The following OR6N1 variants were observed in gnomAD, a reference collection of about 807,000 sequenced individuals.
OR6N1 encodes olfactory receptor 6N1.
For missense variants in OR6N1, 394 were observed against 371.7 expected, an observed-to-expected ratio of 1.06 and a Z score of -0.49; for synonymous variants, 170 against 150.7, an observed-to-expected ratio of 1.13 and a Z score of -0.94.
At chr1:158,820,310 T>C in the OR6N1 span, among the ~76,000 whole-genome samples, 1 of 152,160 alleles carries the variant, frequency 6.6e-6, no homozygotes, top group Non-Finnish European at 1.5e-5. Context: ...TTATGGCCAG[T>C]TTGGGGGCCA....
the OR6N1 span, among the ~76,000 whole-genome samples, chr1:158,814,950 C>T: frequency 6.6e-6 from 1 of 152,080 alleles, no homozygotes; most frequent in South Asian, 2.1e-4. Context: ...TCTCAGGATC[C>T]ACTTGGTCAT....
the OR6N1 span, among the ~76,000 whole-genome samples, chr1:158,794,225 C>G: frequency 0.13 from 19,155 of 152,192 alleles, 1,586 homozygotes; most frequent in South Asian, 0.36. Flanking sequence ...AAGTCCCCTT[C>G]TCCTACACTC....
chr1:158,798,278 T>G, the OR6N1 span, among the ~76,000 whole-genome samples: 2 of 151,532 alleles, frequency 1.3e-5, no homozygotes, highest in African/African-American at 4.8e-5. Context: ...TTCTTACACT[T>G]TCTTTTTTTG....
In OR6N1 at chr1:158,766,577, G is replaced by A; in HGVS notation, c.106C>T (p.Leu36Phe). 5.0e-6 allele frequency: 8 copies of A among 1,614,008 alleles called. No individual in the cohort carries two copies. The highest frequency in any genetic ancestry group is 6.8e-6 in the Non-Finnish European group (8 of 1,179,968). Reference sequence around the variant, plus strand: ...AGCAGGTTTCCCAACACAGTCATGAGGTAAATGAGAAGCAACAAGAGGAAG... The same window carrying A: ...AGCAGGTTTCCCAACACAGTCATGAAGTAAATGAGAAGCAACAAGAGGAAG... ...YLFLLLLLIY[L>F]MTVLGNLLIF... The change falls in exon 2 of 2, where the codon CTC becomes TTC. Residue 36 changes from leucine to phenylalanine, a missense_variant. Leu to Phe is a conservative substitution (Grantham distance 22). Transcript: ENST00000641846.
chr1:158,790,423 C>T, the OR6N1 span, among the ~76,000 whole-genome samples: 4 of 123,884 alleles, frequency 3.2e-5, no homozygotes, highest in Admixed American at 8.3e-5. Flanking sequence ...TTTTTTGAGA[C>T]GGCATCTCGC....
the OR6N1 span, among the ~76,000 whole-genome samples, chr1:158,815,172 G>T: frequency 6.6e-6 from 1 of 152,050 alleles, no homozygotes; most frequent in African/African-American, 2.4e-5. Context: ...TCACAGGAAG[G>T]GTGCTTAATC....
At chr1:158,789,921 C>T in the OR6N1 span, among the ~76,000 whole-genome samples, 7 of 152,190 alleles carry the variant, frequency 4.6e-5, no homozygotes, top group Non-Finnish European at 7.4e-5. Flanking sequence ...CAGGCCAATG[C>T]CCTGAAGTAT....
At chr1:158,795,433 C>T in the OR6N1 span, among the ~76,000 whole-genome samples, 1 of 152,172 alleles carries the variant, frequency 6.6e-6, no homozygotes, top group East Asian at 1.9e-4. Flanking sequence ...CACTTGCTTG[C>T]TGGTTCTGGC....
chr1:158,773,733 T>C (rs1323262737), upstream of OR6N1, among the ~76,000 whole-genome samples: 1 of 151,986 alleles, frequency 6.6e-6, no homozygotes, highest in Non-Finnish European at 1.5e-5. Flanking sequence ...TTCTAAGAAC[T>C]CAAGGCCATA....
At chr1:158,830,848 G>T in the OR6N1 span, among the ~76,000 whole-genome samples, 2 of 152,120 alleles carry the variant, frequency 1.3e-5, no homozygotes, top group Admixed American at 1.3e-4. Context: ...ATGACTTTCT[G>T]CCTCTGTCAA....
the OR6N1 span, among the ~76,000 whole-genome samples, chr1:158,798,499 TTAAA>T: frequency 1.3e-5 from 2 of 151,866 alleles, no homozygotes; most frequent in African/African-American, 4.8e-5. Context: ...AGTATTTTCT[TTAAA>T]TATCAAACAT....
chr1:158,777,303 T>C, the OR6N1 span: 1 of 1,614,076 alleles, frequency 6.2e-7, no homozygotes, highest in Non-Finnish European at 8.5e-7. Context: ...GAAGGTAGCA[T>C]TCAGACGCTC....
the OR6N1 span, among the ~76,000 whole-genome samples, chr1:158,800,516 T>C: frequency 6.6e-6 from 1 of 152,192 alleles, no homozygotes; most frequent in Non-Finnish European, 1.5e-5. Context: ...TGAGGGTATA[T>C]TGCCATAGAA....
chr1:158,764,565 T>C lies in OR6N1; in HGVS notation c.*1179A>G, dbSNP rs1453127095. 6.6e-6 allele frequency: 1 copy of C among 152,074 alleles called. No homozygotes were observed. The highest frequency in any genetic ancestry group is 1.5e-5 in the Non-Finnish European group (1 of 67,960). The allele number at this position is 152,074 out of a possible 1,614,324, so 9.4% of individuals were successfully genotyped here. ...ACCTTTAAAAGTGTGGTATTAAAAA[T>C]ATTTTGTAATCTTCTTAGGAAGTTC... On this transcript the variant is annotated 3_prime_UTR_variant, in exon 2 of 2. Transcript: ENST00000641846.
At chr1:158,814,756 A>C in the OR6N1 span, among the ~76,000 whole-genome samples, 1 of 152,218 alleles carries the variant, frequency 6.6e-6, no homozygotes, top group African/African-American at 2.4e-5. Flanking sequence ...GTTTCAACCT[A>C]TGAATGCTAT....
chr1:158,830,135 T>C, the OR6N1 span, among the ~76,000 whole-genome samples: 1 of 152,214 alleles, frequency 6.6e-6, no homozygotes, highest in South Asian at 2.1e-4. Context: ...TGAAACATGG[T>C]AACTCCTGTC....
the OR6N1 span, among the ~76,000 whole-genome samples, chr1:158,835,180 A>G: frequency 6.6e-6 from 1 of 152,222 alleles, no homozygotes; most frequent in Non-Finnish European, 1.5e-5. Context: ...TACAGATTAC[A>G]TTGCAAATTG....
At chr1:158,806,921 T>G in the OR6N1 span, among the ~76,000 whole-genome samples, 2 of 146,736 alleles carry the variant, frequency 1.4e-5, no homozygotes, top group African/African-American at 2.6e-5. Context: ...GAGAATGGCT[T>G]GAACTCGGGA....
chr1:158,775,968 A>T (rs1657582768), upstream of OR6N1: 1 of 152,202 alleles, frequency 6.6e-6, no homozygotes, highest in Non-Finnish European at 1.5e-5. Context: ...TATAAATCTA[A>T]ATCTCAGAGA....
Sources: gnomAD v4.1 joint callset for allele counts (sites outside exome capture counted in the v4.1 genomes callset) on GRCh38, gnomAD v4.1.1 for gene constraint, MANE v1.5 for transcripts, NCBI Gene and HGNC (gene_info 2026-07-23, HGNC 2026-07-21) for gene names.